AKAP6: variants seen among roughly 807,000 people sequenced by gnomAD.
AKAP6 encodes the protein A-kinase anchoring protein 6.
Under a neutral mutation model 188.5 loss-of-function variants are expected in AKAP6, and 58 were observed. The observed-to-expected ratio is 0.31, with a 90% CI of 0.25 to 0.38. The LOEUF is 0.38. Among genes scored for constraint, AKAP6 ranks in the 10% least tolerant of loss-of-function variants. The pLI is 1.00. For synonymous variants in AKAP6, 989 were observed against 998.6 expected (o/e 0.99, Z 0.18); for missense variants, 2,710 against 2,740.0 (o/e 0.99, Z 0.24).
At chr14:32,789,476 C>G (rs190978783) in intron 12 of AKAP6, among the ~76,000 whole-genome samples, 213 of 152,278 alleles carry the variant, frequency 1.4e-3, no homozygotes, top group African/African-American at 5.0e-3. Context: ...GTGGTTGGGC[C>G]GGCAACAGGT....
At chr14:32,502,914 T>C (rs1880674556) in intron 2 of AKAP6, among the ~76,000 whole-genome samples, 1 of 152,116 alleles carries the variant, frequency 6.6e-6, no homozygotes, top group Non-Finnish European at 1.5e-5. Context: ...ATAAGTCATT[T>C]CACAAAAAAT....
chr14:32,505,025 C>G (rs1404102723), intron 2 of AKAP6, among the ~76,000 whole-genome samples: 1 of 152,248 alleles, frequency 6.6e-6, no homozygotes, highest in East Asian at 1.9e-4. Context: ...GTCATATGGC[C>G]AAGCCTGATA....
intron 9 of AKAP6, among the ~76,000 whole-genome samples, chr14:32,716,094 G>A (rs2139768867): frequency 6.6e-6 from 1 of 152,060 alleles, no homozygotes; most frequent in Middle Eastern, 3.4e-3. Flanking sequence ...AGCAATGCAA[G>A]CAAAGTTTAA....
chr14:32,785,660 G>A (rs1000633678), intron 12 of AKAP6, among the ~76,000 whole-genome samples: 2 of 152,130 alleles, frequency 1.3e-5, no homozygotes. Context: ...CTCTTTGAGT[G>A]TTGGTTGGAA....
At chr14:32,348,603 G>T (rs1326907617) in intron 1 of AKAP6, among the ~76,000 whole-genome samples, 1 of 151,922 alleles carries the variant, frequency 6.6e-6, no homozygotes, top group Non-Finnish European at 1.5e-5. Context: ...AGTAGAGACG[G>T]AGTTTCACCA....
At chr14:32,533,148 C>G (rs565096334) in intron 2 of AKAP6, among the ~76,000 whole-genome samples, 67 of 152,232 alleles carry the variant, frequency 4.4e-4, no homozygotes, top group African/African-American at 1.5e-3. Context: ...TCATCATTGT[C>G]AATACTGACA....
intron 7 of AKAP6, among the ~76,000 whole-genome samples, chr14:32,612,276 G>A (rs1289917548): frequency 1.3e-5 from 2 of 151,998 alleles, no homozygotes; most frequent in Admixed American, 6.6e-5. Flanking sequence ...CATCATGACC[G>A]CAAACTCCTT....
intron 2 of AKAP6, among the ~76,000 whole-genome samples, chr14:32,480,197 A>G (rs193100655): frequency 1.2e-4 from 18 of 152,312 alleles, no homozygotes; most frequent in African/African-American, 4.3e-4. Context: ...GAAAAATACT[A>G]ACTCCTATAT....
rs182469732 is a variant in AKAP6, at chr14:32,521,139, C to T, written c.325-14415C>T. 8.0e-4 allele frequency among the ~76,000 whole-genome samples: 121 copies of T among 152,192 alleles called. 1 individual carries two copies. The highest frequency in any genetic ancestry group is 2.8e-3 in the African/African-American group (117 of 41,528). ...AGGCCTTTGACAAAATTCAACAGCC[C>T]TTCATGCTAAAAACTCTCAATAAAT... On this transcript the variant is annotated intron_variant, in intron 2 of 13. Coordinates refer to ENST00000280979, the MANE Select transcript of AKAP6 (RefSeq NM_004274.5).
intron 7 of AKAP6, among the ~76,000 whole-genome samples, chr14:32,669,246 A>G (rs1374819551): frequency 6.6e-6 from 1 of 152,218 alleles, no homozygotes; most frequent in Non-Finnish European, 1.5e-5. Flanking sequence ...CCAAATAAAT[A>G]CATTGCTCCT....
intron 7 of AKAP6, among the ~76,000 whole-genome samples, chr14:32,654,278 C>A (rs1336236734): frequency 3.3e-5 from 5 of 152,076 alleles, no homozygotes; most frequent in Admixed American, 6.6e-5. Context: ...CTGAAGCCTG[C>A]ACCACTGAAA....
intron 2 of AKAP6, among the ~76,000 whole-genome samples, chr14:32,524,691 T>C (rs751515797): frequency 6.4e-4 from 97 of 152,326 alleles, no homozygotes; most frequent in Non-Finnish European, 1.2e-3. Flanking sequence ...CTACTGTAGA[T>C]ATATTTGTGT....
intron 5 of AKAP6, among the ~76,000 whole-genome samples, chr14:32,583,747 G>A (rs1444007448): frequency 2.0e-5 from 3 of 152,180 alleles, no homozygotes; most frequent in Admixed American, 6.5e-5. Context: ...CTAGAAATCA[G>A]CGAGACTCCG....
chr14:32,630,893 T>C (rs1363211922), intron 7 of AKAP6, among the ~76,000 whole-genome samples: 1 of 152,080 alleles, frequency 6.6e-6, no homozygotes, highest in Admixed American at 6.6e-5. Flanking sequence ...TGGCTAACAT[T>C]CTGATGTAGT....
intron 7 of AKAP6, among the ~76,000 whole-genome samples, chr14:32,667,219 G>A (rs1888981603): frequency 6.6e-6 from 1 of 152,028 alleles, no homozygotes; most frequent in South Asian, 2.1e-4. Flanking sequence ...ATCAATTTAG[G>A]CTCAGCTGAA....
chr14:32,792,654 T>A (rs775747051), intron 12 of AKAP6, among the ~76,000 whole-genome samples: 3 of 152,328 alleles, frequency 2.0e-5, no homozygotes, highest in African/African-American at 7.2e-5. Context: ...TCCAATACTA[T>A]GTTGAATAGG....
chr14:32,644,599 A>G (rs1887904918), intron 7 of AKAP6, among the ~76,000 whole-genome samples: 1 of 152,132 alleles, frequency 6.6e-6, no homozygotes, highest in South Asian at 2.1e-4. Context: ...ATAAAGTTGC[A>G]CAAAGTCTGT....
intron 7 of AKAP6, among the ~76,000 whole-genome samples, chr14:32,637,091 G>A (rs1035477335): frequency 2.0e-5 from 3 of 152,212 alleles, no homozygotes; most frequent in East Asian, 3.9e-4. Context: ...TTCCGTATCT[G>A]TAAAATGGGA....
chr14:32,505,901 T>A (rs1257391461), intron 2 of AKAP6, among the ~76,000 whole-genome samples: 1 of 152,156 alleles, frequency 6.6e-6, no homozygotes, highest in Non-Finnish European at 1.5e-5. Flanking sequence ...TATGGTAGAT[T>A]TTTTTAAAAA....
Sources: allele counts gnomAD v4.1 joint callset (sites outside exome capture counted in the v4.1 genomes callset), GRCh38; gene constraint gnomAD v4.1.1; transcripts MANE v1.5; gene names NCBI Gene and HGNC (gene_info 2026-07-23, HGNC 2026-07-21).